The following CNTNAP2 variants were observed in gnomAD, a reference collection of about 807,000 sequenced individuals.
CNTNAP2 encodes contactin-associated protein-like 2.
In CNTNAP2, 98 loss-of-function variants were observed where a neutral mutation model predicts 155.2. The observed-to-expected ratio is 0.63, with a 90% CI of 0.54 to 0.75. The LOEUF is 0.75. Ranked by LOEUF, CNTNAP2 falls within the 30% of genes least tolerant of loss-of-function variation. The pLI, the probability that CNTNAP2 is intolerant of heterozygous loss-of-function variation, is 0.00. For missense variants in CNTNAP2, 1,727 were observed against 1,688.1 expected (o/e 1.02, Z -0.40); for synonymous variants, 651 against 631.2 (o/e 1.03, Z -0.47).
At chr7:147,039,146 C>T (rs745587510) in intron 3 of CNTNAP2, among the ~76,000 whole-genome samples, 1 of 152,010 alleles carries the variant, frequency 6.6e-6, no homozygotes, top group Admixed American at 6.6e-5. Context: ...GTACATATTA[C>T]ATATAACATA....
At chr7:146,352,840 C>T (rs1388931262) in intron 1 of CNTNAP2, among the ~76,000 whole-genome samples, 13 of 143,818 alleles carry the variant, frequency 9.0e-5, no homozygotes, top group East Asian at 2.1e-4. Flanking sequence ...CTGCAAGCTC[C>T]GCCTCCCGGG....
intron 13 of CNTNAP2, among the ~76,000 whole-genome samples, chr7:147,791,381 A>T (rs1198172670): frequency 6.8e-6 from 1 of 147,094 alleles, no homozygotes; most frequent in Non-Finnish European, 1.5e-5. Context: ...CATACATTTT[A>T]TCTGATTTGT....
intron 15 of CNTNAP2, among the ~76,000 whole-genome samples, chr7:148,074,608 G>T (rs190323195): frequency 1.1e-3 from 166 of 151,946 alleles, no homozygotes; most frequent in Middle Eastern, 6.8e-3. Context: ...CGAATCGCTT[G>T]AACTCGGAGG....
chr7:148,112,165 G>T (rs1195014105), intron 15 of CNTNAP2, among the ~76,000 whole-genome samples: 1 of 152,160 alleles, frequency 6.6e-6, no homozygotes, highest in Non-Finnish European at 1.5e-5. Context: ...TTTTACTGCT[G>T]TGTTAGAGAA....
intron 1 of CNTNAP2, among the ~76,000 whole-genome samples, chr7:146,130,042 A>G (rs1797691951): frequency 6.6e-6 from 1 of 152,190 alleles, no homozygotes; most frequent in Non-Finnish European, 1.5e-5. Context: ...TTTGATGAGG[A>G]GATATTTAGT....
At chr7:148,390,118 A>C (rs1444867985) in intron 22 of CNTNAP2, among the ~76,000 whole-genome samples, 1 of 152,228 alleles carries the variant, frequency 6.6e-6, no homozygotes, top group Admixed American at 6.5e-5. Flanking sequence ...TGGTTTATGA[A>C]AAACAATAAA....
rs145518232 is a variant in CNTNAP2 at position 148,046,975 on chromosome 7, T to C, written c.2383+68986T>C. On this transcript the variant is annotated intron_variant, in intron 15 of 23. Transcript: ENST00000361727. ...AGATATAAGAGTAGTACCAATTCTC[T>C]ACCTAGAATAGCTGTTAACCATGGC... Among the ~76,000 whole-genome samples the C allele has an allele frequency of 3.5e-3, 538 of 152,328 alleles. 4 individuals carry two copies. The highest frequency in any genetic ancestry group is 0.012 in the African/African-American group (489 of 41,574).
At chr7:148,350,571 T>C (rs1798409843) in intron 21 of CNTNAP2, among the ~76,000 whole-genome samples, 1 of 152,250 alleles carries the variant, frequency 6.6e-6, no homozygotes, top group Admixed American at 6.5e-5. Context: ...ACTAGGTGTT[T>C]GTAACCACAA....
intron 1 of CNTNAP2, among the ~76,000 whole-genome samples, chr7:146,312,896 T>C (rs1482265497): frequency 6.6e-6 from 1 of 152,176 alleles, no homozygotes; most frequent in Admixed American, 6.5e-5. Flanking sequence ...ATTTCCTTCT[T>C]TTTTAAGGGT....
chr7:147,276,505 C>T (rs1804899683), intron 8 of CNTNAP2, among the ~76,000 whole-genome samples: 1 of 151,966 alleles, frequency 6.6e-6, no homozygotes, highest in Non-Finnish European at 1.5e-5. Context: ...TAACCATTGT[C>T]TCAGCTATGT....
chr7:146,886,275 T>TAA (rs776073033), intron 3 of CNTNAP2, among the ~76,000 whole-genome samples: 5,894 of 142,142 alleles, frequency 0.041, 152 homozygotes, highest in South Asian at 0.083. Flanking sequence ...TCAGTTTTCT[T>TAA]AAAAAAAAAA....
intron 13 of CNTNAP2, among the ~76,000 whole-genome samples, chr7:147,896,346 T>A (rs1433761338): frequency 6.6e-6 from 1 of 151,920 alleles, no homozygotes; most frequent in Non-Finnish European, 1.5e-5. Flanking sequence ...GCCCAAGGAG[T>A]TCACCTTGCC....
chr7:146,582,698 G>C (rs952946656), intron 1 of CNTNAP2, among the ~76,000 whole-genome samples: 4 of 152,020 alleles, frequency 2.6e-5, no homozygotes, highest in East Asian at 1.9e-4. Flanking sequence ...GCAATGCAGA[G>C]ACCAGATCAC....
intron 1 of CNTNAP2, among the ~76,000 whole-genome samples, chr7:146,644,114 C>G (rs535924864): frequency 2.5e-4 from 38 of 152,296 alleles, no homozygotes; most frequent in African/African-American, 8.7e-4. Context: ...CAAACAGGGA[C>G]AATTCGACTT....
intron 1 of CNTNAP2, among the ~76,000 whole-genome samples, chr7:146,376,242 A>T: frequency 6.6e-6 from 1 of 152,108 alleles, no homozygotes; most frequent in East Asian, 1.9e-4. Context: ...TGGGGAAAAA[A>T]ATTGTAGCTT....
chr7:146,181,119 A>C (rs1049143892), intron 1 of CNTNAP2, among the ~76,000 whole-genome samples: 2 of 152,312 alleles, frequency 1.3e-5, no homozygotes, highest in African/African-American at 4.8e-5. Flanking sequence ...ATGCTTCTGC[A>C]AAATGTACCA....
intron 8 of CNTNAP2, among the ~76,000 whole-genome samples, chr7:147,219,469 A>C (rs983503832): frequency 6.6e-6 from 1 of 152,170 alleles, no homozygotes; most frequent in Non-Finnish European, 1.5e-5. Flanking sequence ...CGAGGGCAAG[A>C]AGCATCCAGC....
intron 15 of CNTNAP2, among the ~76,000 whole-genome samples, chr7:148,094,031 T>C (rs1009564382): frequency 6.6e-6 from 1 of 152,188 alleles, no homozygotes; most frequent in Non-Finnish European, 1.5e-5. Flanking sequence ...GTGCTGGGAT[T>C]GCAGGTGTAA....
intron 15 of CNTNAP2, among the ~76,000 whole-genome samples, chr7:147,986,084 A>G (rs1801614107): frequency 6.6e-6 from 1 of 151,862 alleles, no homozygotes; most frequent in Non-Finnish European, 1.5e-5. Flanking sequence ...TTGCTTCCCT[A>G]CTATTGTTCT....
Sources: gnomAD v4.1 joint callset for allele counts (sites outside exome capture counted in the v4.1 genomes callset) on GRCh38, gnomAD v4.1.1 for gene constraint, MANE v1.5 for transcripts, NCBI Gene and HGNC (gene_info 2026-07-23, HGNC 2026-07-21) for gene names.